MEGF11: variants seen among roughly 807,000 people sequenced by gnomAD.
MEGF11 encodes the protein multiple EGF like domains 11.
A neutral mutation model predicts 146.6 loss-of-function variants in MEGF11; 126 were observed. The observed-to-expected ratio is 0.86, with a 90% CI of 0.74 to 1.00. The LOEUF is 1.00. MEGF11 is among the 50% of genes least tolerant of loss of function. MEGF11 has a pLI of 0.00. For missense variants in MEGF11, 1,509 were observed against 1,521.2 expected (o/e 0.99, Z 0.13); for synonymous variants, 532 against 583.4 (o/e 0.91, Z 1.27).
intron 5 of MEGF11, among the ~76,000 whole-genome samples, chr15:66,057,237 G>C (rs1397600650): frequency 6.6e-6 from 1 of 152,130 alleles, no homozygotes; most frequent in East Asian, 1.9e-4. Context: ...GCAAAACGAG[G>C]GTAGGGCGTC....
At chr15:66,170,265 C>A (rs879287250) in intron 1 of MEGF11, among the ~76,000 whole-genome samples, 1 of 152,192 alleles carries the variant, frequency 6.6e-6, no homozygotes, top group African/African-American at 2.4e-5. Context: ...CACCGCTCAG[C>A]CTGCCAGGGG....
intron 16 of MEGF11, 29 bp downstream of exon 16, chr15:65,917,937 A>G (rs1384274530): frequency 1.9e-6 from 3 of 1,613,624 alleles, no homozygotes; most frequent in Non-Finnish European, 2.5e-6. Context: ...GACCCCAGGT[A>G]GGGGCATTCC....
At chr15:65,974,875 C>T (rs576753505) in intron 7 of MEGF11, among the ~76,000 whole-genome samples, 82 of 151,158 alleles carry the variant, frequency 5.4e-4, no homozygotes, top group African/African-American at 1.8e-3. Flanking sequence ...GATGGAGTTT[C>T]GCTCTTGTTG....
chr15:66,105,475 C>T (rs1455732284), intron 4 of MEGF11, among the ~76,000 whole-genome samples: 3 of 152,214 alleles, frequency 2.0e-5, no homozygotes. Context: ...ACAAAGGCCC[C>T]TCCACTTAGT....
chr15:66,020,883 T>C (rs1311425215), intron 5 of MEGF11, among the ~76,000 whole-genome samples: 3 of 151,716 alleles, frequency 2.0e-5, no homozygotes, highest in African/African-American at 7.3e-5. Context: ...TCCCAGCTAC[T>C]CAGGAGGCTG....
intron 5 of MEGF11, among the ~76,000 whole-genome samples, chr15:66,028,135 G>A (rs916474282): frequency 6.6e-6 from 1 of 151,466 alleles, no homozygotes; most frequent in Admixed American, 6.6e-5. Flanking sequence ...ACTGTACCCA[G>A]TCTCCTCTTC....
At chr15:66,107,199 C>T (rs765657268) in intron 4 of MEGF11, among the ~76,000 whole-genome samples, 1 of 152,200 alleles carries the variant, frequency 6.6e-6, no homozygotes, top group Non-Finnish European at 1.5e-5. Context: ...AGTCCCCACC[C>T]CGCCTACTTG....
intron 10 of MEGF11, among the ~76,000 whole-genome samples, chr15:65,936,668 T>A (rs1567165882): frequency 1.3e-5 from 2 of 152,188 alleles, no homozygotes; most frequent in Non-Finnish European, 2.9e-5. Context: ...TGTTTCTTTG[T>A]CCACTTATTT....
chr15:66,211,250 T>G (rs148381988), intron 1 of MEGF11, among the ~76,000 whole-genome samples: 4,283 of 152,248 alleles, frequency 0.028, 105 homozygotes, highest in South Asian at 0.064. Flanking sequence ...CCAGCCGGGC[T>G]TGGTGGCTCA....
intron 9 of MEGF11, among the ~76,000 whole-genome samples, chr15:65,964,234 A>T (rs908191311): frequency 6.6e-6 from 1 of 152,160 alleles, no homozygotes; most frequent in Non-Finnish European, 1.5e-5. Context: ...CTCCTTTGGA[A>T]GTGGGGGGTG....
At chr15:66,136,250 TCA>T (rs2088880965) in intron 1 of MEGF11, among the ~76,000 whole-genome samples, 2 of 152,128 alleles carry the variant, frequency 1.3e-5, no homozygotes, top group African/African-American at 4.8e-5. Flanking sequence ...AACGCGGAGA[TCA>T]GTATTGCTGT....
chr15:66,030,916 T>A (rs969241926), intron 5 of MEGF11, among the ~76,000 whole-genome samples: 2 of 152,178 alleles, frequency 1.3e-5, no homozygotes, highest in African/African-American at 2.4e-5. Flanking sequence ...GGGGCCTGAT[T>A]TCCATTCAGG....
chr15:65,932,568 T>C (rs139331415), intron 10 of MEGF11, among the ~76,000 whole-genome samples: 1 of 151,716 alleles, frequency 6.6e-6, no homozygotes, highest in Non-Finnish European at 1.5e-5. Flanking sequence ...AGGAAGAGGG[T>C]TGTGGACAAG....
chr15:66,163,185 T>C (rs148948617), intron 1 of MEGF11, among the ~76,000 whole-genome samples: 7 of 152,318 alleles, frequency 4.6e-5, no homozygotes, highest in Non-Finnish European at 1.0e-4. Context: ...TGTCCACCCA[T>C]CTGGGCTCGC....
At chr15:66,174,288 T>A (rs2090335890) in intron 1 of MEGF11, among the ~76,000 whole-genome samples, 1 of 152,122 alleles carries the variant, frequency 6.6e-6, no homozygotes, top group Non-Finnish European at 1.5e-5. Flanking sequence ...TGCAGAGAGA[T>A]GGAGGTGGGG....
At chr15:66,022,340 T>C (rs1214039767) in intron 5 of MEGF11, among the ~76,000 whole-genome samples, 2 of 152,380 alleles carry the variant, frequency 1.3e-5, no homozygotes, top group East Asian at 1.9e-4. Flanking sequence ...CTGATGGTCA[T>C]GCCCAATGGC....
chr15:66,129,151 C>A (rs919611824), intron 1 of MEGF11, among the ~76,000 whole-genome samples: 1 of 152,220 alleles, frequency 6.6e-6, no homozygotes, highest in African/African-American at 2.4e-5. Flanking sequence ...GATGCCAACT[C>A]CCTTGCTTCA....
chr15:65,954,422 C>G (rs750513749), intron 10 of MEGF11, among the ~76,000 whole-genome samples: 1 of 152,180 alleles, frequency 6.6e-6, no homozygotes, highest in Non-Finnish European at 1.5e-5. Context: ...GCTTCCCCCT[C>G]AGGGCTTGAT....
intron 4 of MEGF11, among the ~76,000 whole-genome samples, chr15:66,095,762 G>A (rs2086520410): frequency 6.6e-6 from 1 of 152,198 alleles, no homozygotes; most frequent in South Asian, 2.1e-4. Flanking sequence ...GCAAGCCTGG[G>A]TTGTGGTGTG....
Sources: allele counts gnomAD v4.1 joint callset (sites outside exome capture counted in the v4.1 genomes callset), GRCh38; gene constraint gnomAD v4.1.1; transcripts MANE v1.5; gene names NCBI Gene and HGNC (gene_info 2026-07-23, HGNC 2026-07-21).